Variants in DLGAP1 observed in about 807,000 individuals in gnomAD.
DLGAP1 encodes DLG associated protein 1.
Under a neutral mutation model 90.8 loss-of-function variants are expected in DLGAP1, and 11 were observed. That is an observed-to-expected ratio of 0.12 (90% confidence interval 0.08 to 0.20). The LOEUF (loss-of-function observed/expected upper bound fraction) is 0.20, where lower values mean the gene tolerates loss of function less well. Ranked by LOEUF, DLGAP1 falls within the 10% of genes least tolerant of loss-of-function variation. The probability of loss-of-function intolerance (pLI) is 1.00; values close to 1 mark genes in which losing one functional copy is unlikely to be tolerated. For synonymous variants in DLGAP1, 558 were observed against 540.7 expected, an observed-to-expected ratio of 1.03 and a Z score of -0.44; for missense variants, 1,050 against 1,333.8, an observed-to-expected ratio of 0.79 and a Z score of 3.31.
intron 3 of DLGAP1, among the ~76,000 whole-genome samples, chr18:3,955,236 C>A (rs2073061515): frequency 6.6e-6 from 1 of 152,072 alleles, no homozygotes; most frequent in Non-Finnish European, 1.5e-5. Context: ...GAATTACTAG[C>A]CTTATATTGG....
intron 1 of DLGAP1, among the ~76,000 whole-genome samples, chr18:4,449,213 T>C (rs775855101): frequency 6.6e-6 from 1 of 152,206 alleles, no homozygotes; most frequent in Non-Finnish European, 1.5e-5. Context: ...AATCTACTAA[T>C]ATGTTAATTT....
At chr18:3,516,668 G>A (rs2050863410) in intron 10 of DLGAP1, among the ~76,000 whole-genome samples, 1 of 152,194 alleles carries the variant, frequency 6.6e-6, no homozygotes, top group South Asian at 2.1e-4. Context: ...CATGGTGGAA[G>A]ATGAAAGGCA....
intron 7 of DLGAP1, among the ~76,000 whole-genome samples, chr18:3,665,770 C>G (rs983269909): frequency 1.3e-5 from 2 of 152,164 alleles, no homozygotes; most frequent in Admixed American, 1.3e-4. Flanking sequence ...AGGCATATTC[C>G]GTATCATTTA....
chr18:3,531,369 A>T lies in DLGAP1; in HGVS notation c.2479+2825T>A, dbSNP rs143273808. On this transcript the variant is annotated intron_variant, in intron 10 of 12. Transcript: ENST00000315677. Reference sequence around the variant, plus strand: ...GGAGAATCACTTGAACCCAGGAGACAGAGGTTGCAGTGAGCCAAAATCAGG... The same window carrying T: ...GGAGAATCACTTGAACCCAGGAGACTGAGGTTGCAGTGAGCCAAAATCAGG... Among the ~76,000 whole-genome samples the T allele has an allele frequency of 7.2e-3, 1,099 of 152,230 alleles. 15 individuals are homozygous for T. Among genetic ancestry groups the T allele is most frequent in the African/African-American group, 0.024 (985 of 41,530 alleles).
chr18:3,834,222 C>T (rs375795231), intron 4 of DLGAP1, among the ~76,000 whole-genome samples: 4 of 140,216 alleles, frequency 2.9e-5, no homozygotes, highest in Admixed American at 7.9e-5. Flanking sequence ...AGGAGACTGG[C>T]GTGAACCCAG....
At chr18:4,290,825 C>A (rs2079828514) in intron 1 of DLGAP1, among the ~76,000 whole-genome samples, 1 of 151,872 alleles carries the variant, frequency 6.6e-6, no homozygotes, top group Non-Finnish European at 1.5e-5. Context: ...AAAACCAAAC[C>A]CACATGTGGT....
chr18:3,769,591 T>C (rs2147993339), intron 5 of DLGAP1, among the ~76,000 whole-genome samples: 1 of 152,254 alleles, frequency 6.6e-6, no homozygotes. Context: ...CTATGCTGAA[T>C]GAAGAAAGCC....
intron 5 of DLGAP1, among the ~76,000 whole-genome samples, chr18:3,750,733 T>C (rs1421086450): frequency 6.6e-6 from 1 of 152,172 alleles, no homozygotes; most frequent in African/African-American, 2.4e-5. Context: ...CTTTACCTGA[T>C]TTTCCAGTCT....
intron 7 of DLGAP1, among the ~76,000 whole-genome samples, chr18:3,647,074 C>A (rs2146389830): frequency 6.6e-6 from 1 of 152,016 alleles, no homozygotes; most frequent in East Asian, 1.9e-4. Flanking sequence ...CACGGTGAAA[C>A]CCTGTTTCTA....
intron 7 of DLGAP1, among the ~76,000 whole-genome samples, chr18:3,682,148 A>G (rs2060542055): frequency 6.6e-6 from 1 of 151,664 alleles, no homozygotes; most frequent in African/African-American, 2.4e-5. Context: ...AAATAAAAAT[A>G]ACGAACGAAC....
At chr18:3,762,923 G>A (rs1170928042) in intron 5 of DLGAP1, among the ~76,000 whole-genome samples, 2 of 152,200 alleles carry the variant, frequency 1.3e-5, no homozygotes, top group African/African-American at 4.8e-5. Flanking sequence ...GCTGACAAGT[G>A]AGGAATACAG....
chr18:3,667,252 T>C (rs1008824322), intron 7 of DLGAP1, among the ~76,000 whole-genome samples: 38 of 152,106 alleles, frequency 2.5e-4, no homozygotes, highest in African/African-American at 8.9e-4. Context: ...CTTATTTTTG[T>C]ACTTTTAGTA....
chr18:4,109,922 T>C (rs2075942925), intron 2 of DLGAP1, among the ~76,000 whole-genome samples: 1 of 152,092 alleles, frequency 6.6e-6, no homozygotes, highest in African/African-American at 2.4e-5. Context: ...AGGACTCAAG[T>C]CTTGAAATGT....
At position 4,247,911 on chromosome 18, in the gene DLGAP1, T is replaced by C. The variant is rs1315738861; in HGVS notation, c.-266-96624A>G. On this transcript the variant is annotated intron_variant, in intron 1 of 12. Transcript: ENST00000315677. ...GATTTAACCTAGGTTTTCACTCTTATTTCTATTTGATCTTCAAATTCCCAC... is the reference window on the plus strand; with the variant it reads ...GATTTAACCTAGGTTTTCACTCTTACTTCTATTTGATCTTCAAATTCCCAC... Among the ~76,000 whole-genome samples the C allele has an allele frequency of 2.0e-5, 3 of 152,218 alleles. No homozygotes were observed. In the South Asian group the frequency reaches 6.2e-4, roughly 32 times the overall value.
At position 3,520,462 on chromosome 18, in the gene DLGAP1, A is replaced by G. The variant is rs775409420; in HGVS notation, c.2480-11801T>C. Among the ~76,000 whole-genome samples the G allele has an allele frequency of 3.5e-4, 53 of 152,230 alleles. 2 individuals carry two copies. Among genetic ancestry groups the G allele is most frequent in the African/African-American group, 1.1e-3 (44 of 41,454 alleles). ...TTTACATGTAGAATTCCTAACCTCC[A>G]GTACCTCAGAATGTGACTCTGGAGA... is the stretch of plus-strand genomic sequence containing the variant. On this transcript the variant is annotated intron_variant, in intron 10 of 12. Coordinates refer to ENST00000315677, the MANE Select transcript of DLGAP1 (RefSeq NM_004746.4).
chr18:3,708,295 C>G (rs930626158), intron 7 of DLGAP1: 2 of 390,658 alleles, frequency 5.1e-6, no homozygotes, highest in African/African-American at 2.1e-5. Flanking sequence ...GCATGAGCCA[C>G]TGTGCCCAGC....
At chr18:4,116,753 A>G (rs1010078654) in intron 2 of DLGAP1, among the ~76,000 whole-genome samples, 2 of 152,184 alleles carry the variant, frequency 1.3e-5, no homozygotes, top group Non-Finnish European at 2.9e-5. Context: ...TATTGTTATC[A>G]TACATTTTCT....
intron 2 of DLGAP1, among the ~76,000 whole-genome samples, chr18:4,148,541 T>C (rs1440727600): frequency 6.6e-6 from 1 of 152,138 alleles, no homozygotes; most frequent in African/African-American, 2.4e-5. Context: ...CTTTGGTTAT[T>C]CAGGAGGATG....
In DLGAP1 at chr18:4,454,460, T is replaced by G. The variant is rs2083921065; in HGVS notation, c.-267+546A>C. Among the ~76,000 whole-genome samples the G allele has an allele frequency of 6.6e-6, 1 of 151,994 alleles. No homozygotes were observed. Among genetic ancestry groups the G allele is most frequent in the Admixed American group, 6.5e-5 (1 of 15,282 alleles). The stretch of plus-strand genomic sequence containing the variant: ...TCTTTGTGTCTCTGTTTCTTTGGCT[T>G]TCTCTTACAAACGCACGGGGGAGTT... On this transcript the variant is annotated intron_variant, in intron 1 of 12. Transcript: ENST00000315677. This position sits in a 1 kb window ranked among gnomAD's most constrained non-coding sequence, Gnocchi z 4.7.
Sources: gnomAD v4.1 joint callset for allele counts (sites outside exome capture counted in the v4.1 genomes callset) on GRCh38, gnomAD v4.1.1 for gene constraint, Gnocchi (gnomAD v3.1) non-coding constraint, MANE v1.5 for transcripts, NCBI Gene and HGNC (gene_info 2026-07-23, HGNC 2026-07-21) for gene names.